The following ATG7 variants were observed in gnomAD, a reference collection of about 807,000 sequenced individuals.
ATG7 encodes autophagy related 7.
A neutral mutation model predicts 82.4 loss-of-function variants in ATG7; 70 were observed. That is an observed-to-expected ratio of 0.85 (90% CI 0.70 to 1.04). ATG7 has a LOEUF of 1.04. Ranked by LOEUF, ATG7 falls within the 50% of genes least tolerant of loss-of-function variation. The pLI is 0.00. For missense variants in ATG7, 792 were observed against 864.3 expected (o/e 0.92, Z 1.05); for synonymous variants, 287 against 313.0 (o/e 0.92, Z 0.88).
At chr3:11,569,796 AC>A in the ATG7 span, among the ~76,000 whole-genome samples, 2 of 152,166 alleles carry the variant, frequency 1.3e-5, no homozygotes, top group African/African-American at 2.4e-5. Flanking sequence ...TGGGAGGATC[AC>A]CTGGGCCCAG....
intron 20 of ATG7, chr3:11,446,433 G>C (rs9681729): frequency 0.012 from 4,674 of 385,034 alleles, 223 homozygotes; most frequent in African/African-American, 0.093. Context: ...TAAAGGAGGA[G>C]ACTCCTTAAT....
At chr3:11,335,146 T>G (rs1952241005) in intron 11 of ATG7, among the ~76,000 whole-genome samples, 1 of 152,060 alleles carries the variant, frequency 6.6e-6, no homozygotes, top group Non-Finnish European at 1.5e-5. Context: ...CTTTTCAGTT[T>G]AGAGCCTTTG....
intron 3 of ATG7, among the ~76,000 whole-genome samples, chr3:11,292,075 A>G (rs909428109): frequency 2.0e-5 from 3 of 152,108 alleles, no homozygotes; most frequent in Non-Finnish European, 4.4e-5. Flanking sequence ...GTGTGAGATG[A>G]TGGAGCCTGG....
intron 6 of ATG7, among the ~76,000 whole-genome samples, chr3:11,307,800 C>T (rs1326764713): frequency 6.6e-6 from 1 of 152,180 alleles, no homozygotes. Context: ...CAGTCTTTAT[C>T]ACGACATGAA....
At chr3:11,399,301 T>C (rs2079588098) in intron 19 of ATG7, among the ~76,000 whole-genome samples, 1 of 152,156 alleles carries the variant, frequency 6.6e-6, no homozygotes, top group Admixed American at 6.5e-5. Context: ...TGAGCTGAGA[T>C]GGTGCCACTC....
chr3:11,522,697 G>A (rs1378611055), intron 20 of ATG7, among the ~76,000 whole-genome samples: 1 of 152,222 alleles, frequency 6.6e-6, no homozygotes, highest in African/African-American at 2.4e-5. Flanking sequence ...AAAGCTTTCA[G>A]TGGGTAATTT....
At chr3:11,352,613 A>G (rs1377059331) in intron 14 of ATG7, among the ~76,000 whole-genome samples, 2 of 152,226 alleles carry the variant, frequency 1.3e-5, no homozygotes, top group Non-Finnish European at 2.9e-5. Context: ...CTTATTCATC[A>G]CCTTCCTTCT....
chr3:11,500,699 C>T (rs570855479), intron 20 of ATG7, among the ~76,000 whole-genome samples: 30 of 152,200 alleles, frequency 2.0e-4, no homozygotes, highest in African/African-American at 6.0e-4. Flanking sequence ...CCAGGCCGGA[C>T]GTCTCACTGC....
At chr3:11,313,982 G>A (rs1949044138) in intron 8 of ATG7, among the ~76,000 whole-genome samples, 1 of 152,114 alleles carries the variant, frequency 6.6e-6, no homozygotes, top group African/African-American at 2.4e-5. Flanking sequence ...CCAGTAAGGG[G>A]GAATTATAGG....
chr3:11,339,865 A>G (rs1438503295), intron 11 of ATG7, among the ~76,000 whole-genome samples: 1 of 152,188 alleles, frequency 6.6e-6, no homozygotes, highest in Non-Finnish European at 1.5e-5. Flanking sequence ...CCTCATGTGC[A>G]ATGTGAATGG....
At chr3:11,541,475 C>T (rs970997529) in intron 20 of ATG7, among the ~76,000 whole-genome samples, 1 of 152,192 alleles carries the variant, frequency 6.6e-6, no homozygotes, top group African/African-American at 2.4e-5. Flanking sequence ...GTCAGTGGGT[C>T]AGTGTCTGCC....
intron 14 of ATG7, among the ~76,000 whole-genome samples, chr3:11,348,920 GTT>G (rs1228800761): frequency 6.6e-6 from 1 of 152,074 alleles, no homozygotes; most frequent in Non-Finnish European, 1.5e-5. Flanking sequence ...TGATTGGTAT[GTT>G]TTTACAGAGT....
rs140406205 is a variant in ATG7 at position 11,281,603 on chromosome 3, T to C, written c.-257+501T>C. On this transcript the variant is annotated intron_variant, in intron 2 of 20. Transcript: ENST00000693202. Reference sequence around the variant, plus strand: ...GCCTGGCCAATATAGTGAAACCCTATCTCTACTAAAAATACAAAAAATTAC... The same window carrying C: ...GCCTGGCCAATATAGTGAAACCCTACCTCTACTAAAAATACAAAAAATTAC... 5.1e-3 allele frequency among the ~76,000 whole-genome samples: 777 copies of C among 151,984 alleles called. 5 individuals carry two copies. The highest frequency in any genetic ancestry group is 0.017 in the African/African-American group (720 of 41,456).
At chr3:11,368,737 C>CAAA (rs11348094) in intron 18 of ATG7, among the ~76,000 whole-genome samples, 1 of 132,944 alleles carries the variant, frequency 7.5e-6, no homozygotes. Context: ...GTCCCTGTCT[C>CAAA]AAAAAAAAAA....
intron 9 of ATG7, among the ~76,000 whole-genome samples, chr3:11,326,575 G>A (rs933949018): frequency 3.3e-5 from 5 of 152,212 alleles, no homozygotes; most frequent in Admixed American, 1.3e-4. Flanking sequence ...TGGGATTACA[G>A]GCGTGAGCCA....
chr3:11,349,037 C>T (rs932053777), intron 14 of ATG7, among the ~76,000 whole-genome samples: 18 of 151,008 alleles, frequency 1.2e-4, no homozygotes, highest in African/African-American at 3.2e-4. Context: ...AGACACAGAG[C>T]GCTGATTGGT....
chr3:11,390,455 T>C (rs909818010), intron 19 of ATG7, among the ~76,000 whole-genome samples: 1 of 152,244 alleles, frequency 6.6e-6, no homozygotes, highest in Non-Finnish European at 1.5e-5. Flanking sequence ...AAAGTATACC[T>C]GGAAAATGAG....
intron 19 of ATG7, among the ~76,000 whole-genome samples, chr3:11,426,134 CAT>C (rs1255204247): frequency 6.6e-6 from 1 of 152,142 alleles, no homozygotes; most frequent in Non-Finnish European, 1.5e-5. Context: ...TGTATATACA[CAT>C]AGAGTAGAAT....
intron 20 of ATG7, among the ~76,000 whole-genome samples, chr3:11,546,615 G>C (rs1019284241): frequency 6.6e-6 from 1 of 152,202 alleles, no homozygotes; most frequent in African/African-American, 2.4e-5. Context: ...GTCCAGAAAT[G>C]GGACCCAAGT....
Sources: gnomAD v4.1 joint callset for allele counts (sites outside exome capture counted in the v4.1 genomes callset) on GRCh38, gnomAD v4.1.1 for gene constraint, MANE v1.5 for transcripts, NCBI Gene and HGNC (gene_info 2026-07-23, HGNC 2026-07-21) for gene names.